Variants in XPC observed in about 807,000 individuals in gnomAD.
The protein encoded by XPC is XPC complex subunit, DNA damage recognition and repair factor.
A neutral mutation model predicts 95.8 loss-of-function variants in XPC; 76 were observed. The observed-to-expected ratio is 0.79, with a 90% CI of 0.66 to 0.96. The LOEUF is 0.96. Ranked by LOEUF, XPC falls within the 40% of genes least tolerant of loss-of-function variation. XPC has a pLI of 0.00. For synonymous variants in XPC, 442 were observed against 442.1 expected, an observed-to-expected ratio of 1.00 and a Z score of 0.00; for missense variants, 1,146 against 1,179.8, an observed-to-expected ratio of 0.97 and a Z score of 0.42.
chr3:14,158,649 C>G lies in XPC; in HGVS notation c.1234G>C (p.Ala412Pro). The change falls in exon 9 of 16, where the codon GCA (alanine) becomes CCA (proline). Residue 412 changes from alanine (A) to proline (P), a missense_variant. Ala to Pro is a conservative substitution (Grantham distance 27). Transcript: ENST00000285021. The surrounding 1 kb of genome is among the most constrained non-coding windows in gnomAD (Gnocchi z 5.2). The part of the protein sequence containing the change: ...DEGPGDKQEK[A>P]TQRRPHGRER... ...CGGCCATGCGGACGTCGCTGGGTTG[C>G]CTTCTCCTGCTTGTCTCCTGGGCCC... 1 of 1,613,892 alleles carries G rather than the reference C, an allele frequency of 6.2e-7. No homozygotes were observed. Among genetic ancestry groups the G allele is most frequent in the Non-Finnish European group, 8.5e-7 (1 of 1,179,868 alleles).
chr3:14,164,898 G>GA lies in XPC; in HGVS notation c.814dup (p.Ser272PhefsTer4). Reference sequence around the variant, plus strand: ...CTGCAGGTTATCTTGTTCACTGGCTGAAAGTTCTGCATTAACTGTAAATGT... The same window carrying GA: ...CTGCAGGTTATCTTGTTCACTGGCTGAAAAGTTCTGCATTAACTGTAAATGT... On this transcript the variant is annotated frameshift_variant, in exon 7 of 16. Transcript: ENST00000285021. LOFTEE classifies it high-confidence loss of function. The GA allele has an allele frequency of 6.2e-7, 1 of 1,612,562 alleles. No homozygotes were observed.
At chr3:14,168,683 A>C (rs1204395658) in intron 3 of XPC, among the ~76,000 whole-genome samples, 1 of 151,836 alleles carries the variant, frequency 6.6e-6, no homozygotes, top group African/African-American at 2.4e-5. Flanking sequence ...AAAAGCTGAC[A>C]CTCATGCATG....
At chr3:14,164,429 T>C (rs1696289327) in intron 7 of XPC, 1 of 190,926 alleles carries the variant, frequency 5.2e-6, no homozygotes, top group South Asian at 9.1e-5. Flanking sequence ...CAAAAACACA[T>C]TCTCAAGGAC....
At chr3:14,176,573 T>C (rs1028796751) in intron 1 of XPC, among the ~76,000 whole-genome samples, 1 of 152,248 alleles carries the variant, frequency 6.6e-6, no homozygotes, top group Non-Finnish European at 1.5e-5. Flanking sequence ...AAGATGTTAT[T>C]TGAATGAGTA....
chr3:14,154,451 T>C (rs959672736), intron 10 of XPC, among the ~76,000 whole-genome samples: 33 of 152,144 alleles, frequency 2.2e-4, no homozygotes, highest in African/African-American at 7.2e-4. Context: ...ACCCACACAA[T>C]GGAGTATCAG....
At position 14,152,391 on chromosome 3, in the gene XPC, T is replaced by C; in HGVS notation, c.2059A>G (p.Arg687Gly). The part of the protein sequence containing the change: ...SRDCVHTLHS[R>G]DTWLKKARVV... ...CTTGCTTTCTTCAGCCACGTGTCCC[T>C]GGAATGCAGAGTGTGCACACAATCC... The change falls in exon 11 of 16, where the codon AGG becomes GGG. Residue 687 changes from arginine (R) to glycine (G), a missense_variant. Arg to Gly is a moderately radical substitution (Grantham distance 125). Transcript: ENST00000285021. 2.5e-6 allele frequency: 4 copies of C among 1,612,724 alleles called. No homozygotes were observed.
chr3:14,149,856 C>T (rs1458565828), intron 11 of XPC: 2 of 152,174 alleles, frequency 1.3e-5, no homozygotes, highest in Admixed American at 6.5e-5. Context: ...ACACCACAGA[C>T]GGGGTAAATG....
At position 14,165,436 on chromosome 3, in the gene XPC, C is replaced by G. The variant is rs769384587; in HGVS notation, c.771G>C (p.Leu257=). Residue 257 remains leucine (L), a synonymous_variant, in exon 6 of 16, where the codon CTG becomes CTC. Coordinates refer to ENST00000285021, the MANE Select transcript of XPC (RefSeq NM_004628.5). ...CAAGCGGAGGGCCTTACCACTTCAC[C>G]AGGTTTGAGAGGTAGTAGGTGTCCA... ...RDVDTYYLSN[L]VKWFIGTFTV... 2 of 1,593,200 alleles carry G rather than the reference C, an allele frequency of 1.3e-6. No homozygotes were observed. Among genetic ancestry groups the G allele is most frequent in the South Asian group, 2.3e-5 (2 of 87,560 alleles).
At position 14,164,836 on chromosome 3, in the gene XPC, G is replaced by A. The variant is rs373519125; in HGVS notation, c.877C>T (p.Arg293Ter). The change falls in exon 7 of 16, where the codon CGA becomes TGA. Residue 293 changes from arginine to a stop codon, truncating the protein, a stop_gained. Coordinates refer to ENST00000285021, the MANE Select transcript of XPC (RefSeq NM_004628.5). LOFTEE classifies it high-confidence loss of function. ...ACATGGACCAATTCCTCATCATCTC[G>A]AGCAGAGTAAATAGCAAATCTCCTT... Reference protein sequence around the residue: ...LERRFAIYSARDDEELVHIFL... With the variant: ...LERRFAIYSA 23 of 1,613,170 alleles carry A rather than the reference G, an allele frequency of 1.4e-5. No individual in the cohort carries two copies. Among genetic ancestry groups the A allele is most frequent in the African/African-American group, 8.0e-5 (6 of 74,856 alleles).
rs566632479 is a variant in XPC, at chr3:14,162,453, T to C, written c.900+2360A>G. 5.9e-5 allele frequency among the ~76,000 whole-genome samples: 9 copies of C among 152,280 alleles called. No homozygotes were observed. The East Asian group carries it at 1.5e-3, about 26-fold the overall frequency. ...AGACATGTAGACCAACAGCATAGAA[T>C]TGAGAGGCTGGAAATTAACCCATAC... On this transcript the variant is annotated intron_variant, in intron 7 of 15. Coordinates refer to ENST00000285021, the MANE Select transcript of XPC (RefSeq NM_004628.5).
chr3:14,176,460 T>G (rs942980449), intron 1 of XPC, among the ~76,000 whole-genome samples: 1 of 152,246 alleles, frequency 6.6e-6, no homozygotes, highest in Non-Finnish European at 1.5e-5. Context: ...TTGCCTTGAA[T>G]GTTTTACATG....
In XPC at chr3:14,167,251, T is replaced by C. The variant is rs1329815411; in HGVS notation, c.539A>G (p.Glu180Gly). The change falls in exon 5 of 16, where the codon GAA becomes GGA. Residue 180 changes from glutamate to glycine, a missense_variant and splice_region_variant. Physicochemically the swap from Glu to Gly is moderately conservative, Grantham distance 98 (BLOSUM62 -2). Coordinates refer to ENST00000285021, the MANE Select transcript of XPC (RefSeq NM_004628.5). ...TGTCTCAAACTCCAGTTTTATCTTTTCACTGCAACAAATAGTGAAAAATCT... is the reference window on the plus strand; with the variant it reads ...TGTCTCAAACTCCAGTTTTATCTTTCCACTGCAACAAATAGTGAAAAATCT... ...PEQAKTRERSEKIKLEFETYL... is the reference protein window; with the variant it reads ...PEQAKTRERSGKIKLEFETYL... The C allele has an allele frequency of 8.7e-6, 14 of 1,611,516 alleles. No homozygotes were observed. In the African/African-American group the frequency reaches 1.2e-4, roughly 14 times the overall value.
intron 11 of XPC, 70 bp downstream of exon 11, chr3:14,152,265 C>T (rs925032373): frequency 1.4e-5 from 20 of 1,396,060 alleles, no homozygotes; most frequent in Non-Finnish European, 1.8e-5. Flanking sequence ...CACTTCTCTG[C>T]CCCCAGCTCT....
At chr3:14,177,643 A>T (rs1365460850) in intron 1 of XPC, among the ~76,000 whole-genome samples, 1 of 152,020 alleles carries the variant, frequency 6.6e-6, no homozygotes, top group Non-Finnish European at 1.5e-5. Context: ...GGATAAAACA[A>T]CTGGATTTTA....
chr3:14,174,513 C>T (rs971879028), intron 1 of XPC, among the ~76,000 whole-genome samples: 1 of 152,116 alleles, frequency 6.6e-6, no homozygotes. Context: ...CTTTTATTTC[C>T]GTTTGAAGAG....
In XPC at chr3:14,157,998, G is replaced by A; in HGVS notation, c.1872+13C>T. On this transcript the variant is annotated intron_variant, in intron 9 of 15. Transcript: ENST00000285021. ...TGACTGTGTCTTGGAGCCCCTGGCA[G>A]CCAAGGCCTTACCTCCAAGTCTTCT... The A allele has an allele frequency of 6.3e-7, 1 of 1,586,452 alleles. No individual in the cohort carries two copies. Among genetic ancestry groups the A allele is most frequent in the Non-Finnish European group, 8.6e-7 (1 of 1,161,346 alleles).
Position 14,145,892 on chromosome 3 carries a change from G to A in XPC, c.*49C>T, listed in dbSNP as rs777969451. 8.9e-6 allele frequency: 14 copies of A among 1,575,166 alleles called. No individual in the cohort carries two copies. The highest frequency in any genetic ancestry group is 4.2e-4 in the Middle Eastern group (2 of 4,778). ...CATGCCCAGGGCAGGTGTGGGGCCT[G>A]TAGTGGGGCAGCAGCAACTGGTGGG... On this transcript the variant is annotated 3_prime_UTR_variant, in exon 16 of 16. Transcript: ENST00000285021.
intron 11 of XPC, among the ~76,000 whole-genome samples, chr3:14,150,506 C>T (rs1480543141): frequency 8.5e-5 from 13 of 152,210 alleles, no homozygotes; most frequent in Non-Finnish European, 1.8e-4. Flanking sequence ...TTCTGACAAC[C>T]GTCCCTTTCT....
chr3:14,150,667 G>A (rs985824666), intron 11 of XPC, among the ~76,000 whole-genome samples: 1 of 152,210 alleles, frequency 6.6e-6, no homozygotes, highest in African/African-American at 2.4e-5. Flanking sequence ...ACAGAGCTAC[G>A]ACTCAGCGTG....
Sources: gnomAD v4.1 joint callset for allele counts (sites outside exome capture counted in the v4.1 genomes callset) on GRCh38, gnomAD v4.1.1 for gene constraint, Gnocchi (gnomAD v3.1) non-coding constraint, MANE v1.5 for transcripts, NCBI Gene and HGNC (gene_info 2026-07-23, HGNC 2026-07-21) for gene names.